PRRC2B: variants seen among roughly 807,000 people sequenced by gnomAD.
PRRC2B encodes protein PRRC2B.
A neutral mutation model predicts 242.3 loss-of-function variants in PRRC2B; 68 were observed. That is an observed-to-expected ratio of 0.28 (90% confidence interval 0.23 to 0.34). The LOEUF is 0.34. Ranked by LOEUF, PRRC2B falls within the 10% of genes least tolerant of loss-of-function variation. The pLI, the probability that PRRC2B is intolerant of heterozygous loss-of-function variation, is 1.00. For synonymous variants in PRRC2B, 1,228 were observed against 1,173.6 expected (o/e 1.05, Z -0.95); for missense variants, 2,835 against 2,954.8 (o/e 0.96, Z 0.94).
chr9:131,458,239 A>G (rs1209203675), intron 10 of PRRC2B, among the ~76,000 whole-genome samples: 4 of 152,122 alleles, frequency 2.6e-5, no homozygotes, highest in Non-Finnish European at 5.9e-5. Context: ...TGCAGAGCAT[A>G]GGGAGGGAGA....
intron 12 of PRRC2B, among the ~76,000 whole-genome samples, chr9:131,466,276 G>A (rs1183947367): frequency 6.6e-6 from 1 of 152,150 alleles, no homozygotes; most frequent in Non-Finnish European, 1.5e-5. Context: ...GGTTGAGTGA[G>A]GACTGTGCCA....
upstream of PRRC2B, among the ~76,000 whole-genome samples, chr9:131,393,749 T>G (rs533152175): frequency 2.4e-5 from 3 of 124,672 alleles, no homozygotes; most frequent in African/African-American, 9.3e-5. Flanking sequence ...GCCGGGCCCA[T>G]GCCCTTCCCA....
At position 131,447,748 on chromosome 9, in the gene PRRC2B, C is replaced by T. The variant is rs967810910; in HGVS notation, c.1064C>T (p.Ala355Val). The T allele has an allele frequency of 8.7e-6, 14 of 1,613,808 alleles. No homozygotes were observed. The highest frequency in any genetic ancestry group is 4.5e-5 in the East Asian group (2 of 44,886). ...ERAPRPTIIN[A>V]ENLKGLDDLD... Reference sequence around the variant, plus strand: ...GCACCACGGCCCACCATTATCAATGCGGAAAACCTGAAGGGCCTTGACGAT... The same window carrying T: ...GCACCACGGCCCACCATTATCAATGTGGAAAACCTGAAGGGCCTTGACGAT... Residue 355 changes from alanine (A) to valine (V), a missense_variant, in exon 9 of 32, where the codon GCG becomes GTG. Physicochemically the swap from Ala to Val is moderately conservative, Grantham distance 64 (BLOSUM62 0). Transcript: ENST00000683519.
intron 31 of PRRC2B, 129 bp from the exon 32 acceptor site, chr9:131,495,611 A>C: frequency 9.3e-7 from 1 of 1,076,334 alleles, no homozygotes; most frequent in Admixed American, 2.3e-5. Context: ...TGGTCCTTCA[A>C]CCAAGGGACT....
At chr9:131,425,420 C>T (rs1837951219) in intron 1 of PRRC2B, among the ~76,000 whole-genome samples, 1 of 152,160 alleles carries the variant, frequency 6.6e-6, no homozygotes, top group African/African-American at 2.4e-5. Context: ...TTCCCTCAGG[C>T]CTGGTCAGCA....
chr9:131,403,123 CA>C (rs1021760452), intron 1 of PRRC2B, among the ~76,000 whole-genome samples: 4 of 152,122 alleles, frequency 2.6e-5, no homozygotes, highest in Non-Finnish European at 5.9e-5. Context: ...GCTTAAAGAA[CA>C]GCTGTGTTCC....
intron 1 of PRRC2B, among the ~76,000 whole-genome samples, chr9:131,408,032 G>C (rs1837412557): frequency 6.6e-6 from 1 of 152,192 alleles, no homozygotes; most frequent in Non-Finnish European, 1.5e-5. Context: ...TGCTTCTGGT[G>C]ATAGTCATTG....
chr9:131,476,260 C>T lies in PRRC2B; in HGVS notation c.4131C>T (p.Ala1377=). The T allele has an allele frequency of 6.2e-7, 1 of 1,611,698 alleles. No homozygotes were observed. Among genetic ancestry groups the T allele is most frequent in the Non-Finnish European group, 8.5e-7 (1 of 1,178,954 alleles). Residue 1377 remains alanine (A), a synonymous_variant, in exon 16 of 32, where the codon GCC becomes GCT. Transcript: ENST00000683519. ...ACGCCAATGAGGAGTGGGAGACGGC[C>T]TCCGAAAGCAGCGACTTCAGCGAGC... The part of the protein sequence containing the change: ...SDHANEEWET[A]SESSDFSERR...
intron 1 of PRRC2B, among the ~76,000 whole-genome samples, chr9:131,384,264 TTGTATGTATGTA>T (rs72496921): frequency 3.4e-5 from 5 of 149,244 alleles, no homozygotes; most frequent in East Asian, 2.0e-4. Context: ...TGGCTAATTT[TTGTATGTATGTA>T]TGTATGTATG....
chr9:131,474,527 A>G lies in PRRC2B; in HGVS notation c.2398A>G (p.Arg800Gly). The G allele has an allele frequency of 6.2e-7, 1 of 1,613,888 alleles. No individual in the cohort carries two copies. Among genetic ancestry groups the G allele is most frequent in the Non-Finnish European group, 8.5e-7 (1 of 1,179,874 alleles). ...VSAQRDLFEE[R>G]GEEYLSAFDK... Reference sequence around the variant, plus strand: ...TGCTCAGCGCGATCTCTTTGAGGAGAGAGGGGAGGAGTACTTGAGTGCTTT... The same window carrying G: ...TGCTCAGCGCGATCTCTTTGAGGAGGGAGGGGAGGAGTACTTGAGTGCTTT... Residue 800 changes from arginine to glycine, a missense_variant, in exon 16 of 32, where the codon AGA (arginine) becomes GGA (glycine). This residue lies in a region of PRRC2B where 1,536 missense variants were observed against 1,483.1 expected (regional missense o/e 1.04). Transcript: ENST00000683519.
intron 1 of PRRC2B, among the ~76,000 whole-genome samples, chr9:131,401,385 C>CTTT (rs1320362682): frequency 1.4e-5 from 2 of 139,080 alleles, no homozygotes; most frequent in Admixed American, 1.5e-4. Context: ...ATTCTTTCTC[C>CTTT]TTTTTTTTTT....
At position 131,495,750 on chromosome 9, in the gene PRRC2B, G is replaced by C. The variant is rs753632679; in HGVS notation, c.6566G>C (p.Arg2189Pro). The C allele has an allele frequency of 5.0e-6, 8 of 1,611,156 alleles. No individual in the cohort carries two copies. The highest frequency in any genetic ancestry group is 6.8e-6 in the Non-Finnish European group (8 of 1,177,588). Residue 2189 changes from arginine (R) to proline (P), a missense_variant, in exon 32 of 32, where the codon CGA (arginine) becomes CCA (proline). Physicochemically the swap from Arg to Pro is moderately radical, Grantham distance 103. Transcript: ENST00000683519. ...TTCATCTGTCCAAAGGCAAAACAAC[G>C]AGTGGATGAGAAACCCAGCCTGGGA... ...QGHYVQQAKQRVDEKPSLGAV... is the reference protein window; with the variant it reads ...QGHYVQQAKQPVDEKPSLGAV...
At chr9:131,423,451 C>G (rs1424517223) in intron 1 of PRRC2B, among the ~76,000 whole-genome samples, 1 of 152,232 alleles carries the variant, frequency 6.6e-6, no homozygotes, top group Admixed American at 6.5e-5. Context: ...TAACAGCGCC[C>G]TGGCCTGATG....
In PRRC2B at chr9:131,487,402, G is replaced by C; in HGVS notation, c.5984+108G>C. 6 of 861,116 alleles carry C rather than the reference G, an allele frequency of 7.0e-6. No individual in the cohort carries two copies. The highest frequency in any genetic ancestry group is 1.0e-5 in the Non-Finnish European group (6 of 584,730). The allele number at this position is 861,116 out of a possible 1,614,324, so 53.3% of individuals were successfully genotyped here. ...TTGGTGCTTGTCTGCTTTGGGGCCA[G>C]TGGGGCGGGGAGGGGTGGGAGTTTG... is the stretch of plus-strand genomic sequence containing the variant. On this transcript the variant is annotated intron_variant, in intron 27 of 31. Transcript: ENST00000683519. This position sits in a 1 kb window ranked among gnomAD's most constrained non-coding sequence, Gnocchi z 5.3.
chr9:131,424,182 T>A (rs1837922441), intron 1 of PRRC2B, among the ~76,000 whole-genome samples: 1 of 152,202 alleles, frequency 6.6e-6, no homozygotes, highest in Non-Finnish European at 1.5e-5. Context: ...GTTCAAGTGA[T>A]CCGCCTGCTT....
intron 1 of PRRC2B, among the ~76,000 whole-genome samples, chr9:131,424,066 G>A (rs980561170): frequency 1.3e-5 from 2 of 152,082 alleles, no homozygotes; most frequent in Non-Finnish European, 2.9e-5. Context: ...CTCCCCAGTG[G>A]CTGGGATTAC....
upstream of PRRC2B, among the ~76,000 whole-genome samples, chr9:131,392,103 CT>C (rs937351420): frequency 1.6e-3 from 226 of 138,960 alleles, no homozygotes; most frequent in Non-Finnish European, 1.5e-3. Flanking sequence ...TATTTTCTTT[CT>C]TTTTTTTTTT....
At chr9:131,461,275 G>C (rs962754380) in intron 11 of PRRC2B, among the ~76,000 whole-genome samples, 2 of 152,124 alleles carry the variant, frequency 1.3e-5, no homozygotes, top group Admixed American at 1.3e-4. Flanking sequence ...GTCCCTGCTG[G>C]GCCAACTCTG....
intron 1 of PRRC2B, among the ~76,000 whole-genome samples, chr9:131,400,986 A>T (rs1837213588): frequency 2.2e-5 from 3 of 134,854 alleles, no homozygotes; most frequent in Non-Finnish European, 3.1e-5. Context: ...TTTGAGACGG[A>T]GTTTTGCTCT....
Sources: allele counts gnomAD v4.1 joint callset (sites outside exome capture counted in the v4.1 genomes callset), GRCh38; gene constraint gnomAD v4.1.1; regional missense constraint gnomAD v4.1.1; non-coding constraint Gnocchi (gnomAD v3.1); transcripts MANE v1.5; gene names NCBI Gene and HGNC (gene_info 2026-07-23, HGNC 2026-07-21).